The following FOXF2 variants were observed in gnomAD, a reference collection of about 807,000 sequenced individuals.
FOXF2 encodes forkhead box F2.
A neutral mutation model predicts 29.1 loss-of-function variants in FOXF2; 15 were observed. The observed-to-expected ratio is 0.52, with a 90% CI of 0.35 to 0.79. The LOEUF (loss-of-function observed/expected upper bound fraction) is 0.79, where lower values mean the gene tolerates loss of function less well. FOXF2 is among the 30% of genes least tolerant of loss of function. FOXF2 has a pLI of 0.01. For synonymous variants in FOXF2, 337 were observed against 316.5 expected, an observed-to-expected ratio of 1.06 and a Z score of -0.69; for missense variants, 675 against 667.1, an observed-to-expected ratio of 1.01 and a Z score of -0.13.
intron 1 of FOXF2, among the ~76,000 whole-genome samples, chr6:1,393,152 C>T (rs1024990584): frequency 6.6e-6 from 1 of 152,106 alleles, no homozygotes; most frequent in Non-Finnish European, 1.5e-5. Context: ...CATGTCTACG[C>T]GCACACACCC....
Position 1,390,922 on chromosome 6 carries a change from C to A in FOXF2, c.975C>A (p.Ser325Arg). The A allele has an allele frequency of 1.3e-6, 2 of 1,555,862 alleles. No individual in the cohort carries two copies. The highest frequency in any genetic ancestry group is 1.7e-6 in the Non-Finnish European group (2 of 1,157,914). The change falls in exon 1 of 2, where the codon AGC becomes AGA. Residue 325 changes from serine to arginine, a missense_variant. Ser to Arg is a moderately radical substitution (Grantham distance 110). Around this residue, in one of 3 missense-constraint regions of FOXF2, gnomAD observed 451 missense variants for 437.2 expected, o/e 1.03. Coordinates refer to ENST00000645481, the MANE Select transcript of FOXF2 (RefSeq NM_001452.2). The surrounding 1 kb of genome is among the most constrained non-coding windows in gnomAD (Gnocchi z 8.5). ...TACCCTCGTCCCCGGCCATGGCGAG[C>A]GCCATCGAATGCCACTCGCCCTACA... Reference protein sequence around the residue: ...SPVPSSPAMASAIECHSPYTS... With the variant: ...SPVPSSPAMARAIECHSPYTS...
chr6:1,392,447 C>CACAG (rs1437022087), intron 1 of FOXF2, among the ~76,000 whole-genome samples: 4 of 146,580 alleles, frequency 2.7e-5, no homozygotes, highest in African/African-American at 1.1e-4. Flanking sequence ...CACACACACA[C>CACAG]ACACACACAC....
In FOXF2 at chr6:1,390,659, C is replaced by T; in HGVS notation, c.712C>T (p.His238Tyr). 6.4e-7 allele frequency: 1 copy of T among 1,562,790 alleles called. No individual in the cohort carries two copies. The highest frequency in any genetic ancestry group is 1.1e-5 in the South Asian group (1 of 87,168). ...QAPPSAPLGCHSQGGYGGLDM... is the reference protein window; with the variant it reads ...QAPPSAPLGCYSQGGYGGLDM... Reference sequence around the variant, plus strand: ...GCCCCCGTCGGCGCCGCTCGGCTGCCACAGCCAGGGCGGCTACGGCGGCCT... The same window carrying T: ...GCCCCCGTCGGCGCCGCTCGGCTGCTACAGCCAGGGCGGCTACGGCGGCCT... Residue 238 changes from histidine (H) to tyrosine (Y), a missense_variant, in exon 1 of 2, where the codon CAC (histidine) becomes TAC (tyrosine). Around this residue, in one of 3 missense-constraint regions of FOXF2, gnomAD observed 451 missense variants for 437.2 expected, o/e 1.03. Transcript: ENST00000645481. The surrounding 1 kb of genome is among the most constrained non-coding windows in gnomAD (Gnocchi z 8.5).
At chr6:1,393,180 C>G (rs193004529) in intron 1 of FOXF2, among the ~76,000 whole-genome samples, 1 of 152,196 alleles carries the variant, frequency 6.6e-6, no homozygotes, top group East Asian at 1.9e-4. Flanking sequence ...CCCTCCCTCC[C>G]CCAGCACACC....
rs1216479990 is a variant in FOXF2 at position 1,390,773 on chromosome 6, A to T, written c.826A>T (p.Met276Leu). Residue 276 changes from methionine to leucine, a missense_variant, in exon 1 of 2, where the codon ATG becomes TTG. By Grantham distance (15) the Met-to-Leu change is conservative. Coordinates refer to ENST00000645481, the MANE Select transcript of FOXF2 (RefSeq NM_001452.2). This position sits in a 1 kb window ranked among gnomAD's most constrained non-coding sequence, Gnocchi z 8.5. Reference protein sequence around the residue: ...HHHHHHHVPHMSPNPGSTYMA... With the variant: ...HHHHHHHVPHLSPNPGSTYMA... ...CCACCACCACCACCACGTCCCGCAC[A>T]TGTCGCCCAACCCGGGTTCCACCTA... The T allele has an allele frequency of 1.4e-6, 2 of 1,392,894 alleles. No individual in the cohort carries two copies. Among genetic ancestry groups the T allele is most frequent in the Non-Finnish European group, 1.8e-6 (2 of 1,084,848 alleles). The allele number at this position is 1,392,894 out of a possible 1,614,324, so 86.3% of individuals were successfully genotyped here. A position where few individuals can be genotyped will look rare whatever the true frequency, so the allele number is the denominator to read the frequency against.
At position 1,390,108 on chromosome 6, in the gene FOXF2, C is replaced by T; in HGVS notation, c.161C>T (p.Ala54Val). 1 of 1,429,228 alleles carries T rather than the reference C, an allele frequency of 7.0e-7. No individual in the cohort carries two copies. The highest frequency in any genetic ancestry group is 1.3e-5 in the South Asian group (1 of 74,346). The allele number at this position is 1,429,228 out of a possible 1,614,324, so 88.5% of individuals were successfully genotyped here. Reference sequence around the variant, plus strand: ...TCCTCCTCCTCGTCGTCGTCCTCCGCCTCCTGCGCCTCGTCCTCGTCCTCC... The same window carrying T: ...TCCTCCTCCTCGTCGTCGTCCTCCGTCTCCTGCGCCTCGTCCTCGTCCTCC... ...TTSSSSSSSS[A>V]SCASSSSSSN... The change falls in exon 1 of 2, where the codon GCC becomes GTC. Residue 54 changes from alanine (A) to valine (V), a missense_variant. Coordinates refer to ENST00000645481, the MANE Select transcript of FOXF2 (RefSeq NM_001452.2). This position sits in a 1 kb window ranked among gnomAD's most constrained non-coding sequence, Gnocchi z 8.5.
In FOXF2 at chr6:1,390,104, TCCG is replaced by T; in HGVS notation, c.160_162del (p.Ala54del). On this transcript the variant is annotated inframe_deletion, in exon 1 of 2. Coordinates refer to ENST00000645481, the MANE Select transcript of FOXF2 (RefSeq NM_001452.2). This position sits in a 1 kb window ranked among gnomAD's most constrained non-coding sequence, Gnocchi z 8.5. ...CACCTCCTCCTCCTCGTCGTCGTCC[TCCG>T]CCTCCTGCGCCTCGTCCTCGTCCTC... 2 of 1,431,416 alleles carry T rather than the reference TCCG, an allele frequency of 1.4e-6. No individual in the cohort carries two copies. Among genetic ancestry groups the T allele is most frequent in the Non-Finnish European group, 1.9e-6 (2 of 1,079,892 alleles). The allele number at this position is 1,431,416 out of a possible 1,614,324, so 88.7% of individuals were successfully genotyped here.
In FOXF2 at chr6:1,390,341, G is replaced by A. The variant is rs201914560; in HGVS notation, c.394G>A (p.Ala132Thr). ...TLSEIYQFLQ[A>T]RFPFFRGAYQ... Reference sequence around the variant, plus strand: ...CAGCGAGATCTACCAGTTCCTGCAGGCGCGCTTCCCCTTCTTCCGCGGCGC... The same window carrying A: ...CAGCGAGATCTACCAGTTCCTGCAGACGCGCTTCCCCTTCTTCCGCGGCGC... The change falls in exon 1 of 2, where the codon GCG becomes ACG. Residue 132 changes from alanine to threonine, a missense_variant. Around this residue, in one of 3 missense-constraint regions of FOXF2, gnomAD observed 220 missense variants for 205.5 expected, o/e 1.07. Coordinates refer to ENST00000645481, the MANE Select transcript of FOXF2 (RefSeq NM_001452.2). The surrounding 1 kb of genome is among the most constrained non-coding windows in gnomAD (Gnocchi z 8.5). 1.8e-4 allele frequency: 283 copies of A among 1,613,252 alleles called. No homozygotes were observed. The East Asian group carries it at 5.2e-3, about 30-fold the overall frequency.
chr6:1,390,500 G>C lies in FOXF2; in HGVS notation c.553G>C (p.Glu185Gln), dbSNP rs2113367907. The change falls in exon 1 of 2, where the codon GAG (glutamate) becomes CAG (glutamine). Residue 185 changes from glutamate to glutamine, a missense_variant. Glu to Gln is a conservative substitution (Grantham distance 29). This residue lies in a region of FOXF2 where 451 missense variants were observed against 437.2 expected (regional missense o/e 1.03). Transcript: ENST00000645481. This position sits in a 1 kb window ranked among gnomAD's most constrained non-coding sequence, Gnocchi z 8.5. ...CGACCCGGCCAGCGAGTTCATGTTC[G>C]AGGAGGGCTCGTTCCGCCGCCGGCC... Reference protein sequence around the residue: ...TIDPASEFMFEEGSFRRRPRG... With the variant: ...TIDPASEFMFQEGSFRRRPRG... 2 of 1,611,552 alleles carry C rather than the reference G, an allele frequency of 1.2e-6. No individual in the cohort carries two copies. The highest frequency in any genetic ancestry group is 1.7e-6 in the Non-Finnish European group (2 of 1,179,698).
intron 1 of FOXF2, among the ~76,000 whole-genome samples, chr6:1,394,340 C>T (rs771778159): frequency 1.1e-4 from 17 of 152,138 alleles, no homozygotes; most frequent in Non-Finnish European, 1.9e-4. Context: ...GGGAGAGACC[C>T]GGAACCAGAG....
chr6:1,391,104 G>T lies in FOXF2; in HGVS notation c.1157G>T (p.Arg386Leu). 6.2e-7 allele frequency: 1 copy of T among 1,602,498 alleles called. No homozygotes were observed. Among genetic ancestry groups the T allele is most frequent in the South Asian group, 1.1e-5 (1 of 90,964 alleles). The change falls in exon 1 of 2, where the codon CGC (arginine) becomes CTC (leucine). Residue 386 changes from arginine to leucine, a missense_variant. Around this residue, in one of 3 missense-constraint regions of FOXF2, gnomAD observed 451 missense variants for 437.2 expected, o/e 1.03. Coordinates refer to ENST00000645481, the MANE Select transcript of FOXF2 (RefSeq NM_001452.2). ...LEQSYLHQNA[R>L]EDLSVGLPRY... ...CAGAGCTACTTGCACCAGAACGCTC[G>T]CGAGGACCTCTCAGGTAACGCAGCA...
intron 1 of FOXF2, among the ~76,000 whole-genome samples, chr6:1,392,713 G>A (rs1388084645): frequency 6.6e-6 from 1 of 152,188 alleles, no homozygotes; most frequent in Non-Finnish European, 1.5e-5. Context: ...AACACTGGGC[G>A]CAGGCACAAG....
intron 1 of FOXF2, among the ~76,000 whole-genome samples, chr6:1,392,045 C>A (rs969342675): frequency 6.6e-6 from 1 of 152,194 alleles, no homozygotes; most frequent in African/African-American, 2.4e-5. Flanking sequence ...ATTAAAATCC[C>A]ATGGGCCTGC....
chr6:1,393,208 C>G (rs1758830560), intron 1 of FOXF2, among the ~76,000 whole-genome samples: 1 of 152,038 alleles, frequency 6.6e-6, no homozygotes, highest in African/African-American at 2.4e-5. Flanking sequence ...CCGCGCCCTC[C>G]GCTCCTGGGC....
At position 1,395,000 on chromosome 6, in the gene FOXF2, G is replaced by A. The variant is rs1013571607; in HGVS notation, c.*141G>A. On this transcript the variant is annotated 3_prime_UTR_variant, in exon 2 of 2. Transcript: ENST00000645481. ...CCACTTAGCCAGAATGCCCAGGATC[G>A]CGTTGGTCACTGTTATTTGCCTACT... 4 of 847,594 alleles carry A rather than the reference G, an allele frequency of 4.7e-6. No individual in the cohort carries two copies. Among genetic ancestry groups the A allele is most frequent in the East Asian group, 2.5e-5 (1 of 39,228 alleles). 52.5% of individuals were successfully genotyped at this position (847,594 alleles called of 1,614,324 possible). A position where few individuals can be genotyped will look rare whatever the true frequency, so the allele number is the denominator to read the frequency against.
rs774150069 is a variant in FOXF2 at position 1,390,829 on chromosome 6, C to T, written c.882C>T (p.Pro294=). ...YMASCPVPAG[P]GGVGAAGGGG... Reference sequence around the variant, plus strand: ...CCAGCTGCCCGGTGCCCGCGGGACCCGGGGGCGTCGGTGCGGCCGGGGGCG... The same window carrying T: ...CCAGCTGCCCGGTGCCCGCGGGACCTGGGGGCGTCGGTGCGGCCGGGGGCG... The change falls in exon 1 of 2, where the codon CCC becomes CCT. Residue 294 remains proline, a synonymous_variant. Coordinates refer to ENST00000645481, the MANE Select transcript of FOXF2 (RefSeq NM_001452.2). The surrounding 1 kb of genome is among the most constrained non-coding windows in gnomAD (Gnocchi z 8.5). 1 of 1,392,294 alleles carries T rather than the reference C, an allele frequency of 7.2e-7. No homozygotes were observed. Among genetic ancestry groups the T allele is most frequent in the South Asian group, 1.7e-5 (1 of 59,800 alleles). 86.2% of individuals were successfully genotyped at this position (1,392,294 alleles called of 1,614,324 possible).
At position 1,390,069 on chromosome 6, in the gene FOXF2, C is replaced by T. The variant is rs890426090; in HGVS notation, c.122C>T (p.Ala41Val). The T allele has an allele frequency of 9.3e-5, 131 of 1,404,112 alleles. No individual in the cohort carries two copies. Among genetic ancestry groups the T allele is most frequent in the Non-Finnish European group, 1.2e-4 (126 of 1,073,216 alleles). 87.0% of individuals were successfully genotyped at this position (1,404,112 alleles called of 1,614,324 possible). A position where few individuals can be genotyped will look rare whatever the true frequency, so the allele number is the denominator to read the frequency against. The change falls in exon 1 of 2, where the codon GCC becomes GTC. Residue 41 changes from alanine to valine, a missense_variant. By Grantham distance (64) the Ala-to-Val change is moderately conservative (BLOSUM62 0). This residue lies in a region of FOXF2 where 220 missense variants were observed against 205.5 expected (regional missense o/e 1.07). Coordinates refer to ENST00000645481, the MANE Select transcript of FOXF2 (RefSeq NM_001452.2). The surrounding 1 kb of genome is among the most constrained non-coding windows in gnomAD (Gnocchi z 8.5). ...PPAAAAAAAA[A>V]PETTSSSSSS... ...GCCGCCGCCGCCGCCGCCGCCGCCG[C>T]CCCGGAGACCACCTCCTCCTCCTCG...
intron 1 of FOXF2, among the ~76,000 whole-genome samples, chr6:1,392,434 T>TCACA (rs71738664): frequency 0.016 from 1,770 of 107,644 alleles, 20 homozygotes; most frequent in East Asian, 0.027. Flanking sequence ...CGGCTGTCAA[T>TCACA]CACACACACA....
chr6:1,390,618 G>C lies in FOXF2; in HGVS notation c.671G>C (p.Gly224Ala). 2 of 1,588,726 alleles carry C rather than the reference G, an allele frequency of 1.3e-6. No homozygotes were observed. Among genetic ancestry groups the C allele is most frequent in the Non-Finnish European group, 1.7e-6 (2 of 1,174,902 alleles). The change falls in exon 1 of 2, where the codon GGC (glycine) becomes GCC (alanine). Residue 224 changes from glycine to alanine, a missense_variant. Gly to Ala is a moderately conservative substitution (Grantham distance 60, BLOSUM62 0). Transcript: ENST00000645481. This position sits in a 1 kb window ranked among gnomAD's most constrained non-coding sequence, Gnocchi z 8.5. Reference protein sequence around the residue: ...LGFGASLLPQGFDFQAPPSAP... With the variant: ...LGFGASLLPQAFDFQAPPSAP... ...TTCGGGGCGTCGCTGCTGCCCCAGG[G>C]CTTCGACTTCCAGGCGCCCCCGTCG...
Sources: allele counts gnomAD v4.1 joint callset (sites outside exome capture counted in the v4.1 genomes callset), GRCh38; gene constraint gnomAD v4.1.1; regional missense constraint gnomAD v4.1.1; non-coding constraint Gnocchi (gnomAD v3.1); transcripts MANE v1.5; gene names NCBI Gene and HGNC (gene_info 2026-07-23, HGNC 2026-07-21).